RARB: variants seen among roughly 807,000 people sequenced by gnomAD.
RARB encodes HBV-activated protein.
A neutral mutation model predicts 51.9 loss-of-function variants in RARB; 17 were observed. The ratio of observed to expected loss-of-function variants is 0.33; its 90% CI spans 0.22 to 0.49. The LOEUF (loss-of-function observed/expected upper bound fraction) is 0.49, where lower values mean the gene tolerates loss of function less well. RARB is among the 20% of genes least tolerant of loss of function. The pLI is 0.99. For missense variants in RARB, 369 were observed against 550.8 expected (o/e 0.67, Z 3.30); for synonymous variants, 215 against 195.4 (o/e 1.10, Z -0.84).
intron 5 of RARB, among the ~76,000 whole-genome samples, chr3:25,307,387 A>T (rs1018243167): frequency 1.3e-4 from 16 of 125,776 alleles, no homozygotes; most frequent in African/African-American, 4.9e-4. Flanking sequence ...ACTCTGTCTC[A>T]AAAAAAAAAA....
intron 1 of RARB, among the ~76,000 whole-genome samples, chr3:25,459,473 A>G (rs894685655): frequency 1.3e-5 from 2 of 152,198 alleles, no homozygotes; most frequent in South Asian, 2.1e-4. Flanking sequence ...ATTGGTGACT[A>G]TTGGAGGGCT....
chr3:24,859,262 C>T (rs141761670), intron 2 of RARB, among the ~76,000 whole-genome samples: 72 of 152,088 alleles, frequency 4.7e-4, no homozygotes, highest in African/African-American at 1.4e-3. Context: ...CAAGGTGGTT[C>T]TGGGAGCTTG....
intron 5 of RARB, among the ~76,000 whole-genome samples, chr3:25,209,427 G>A (rs1468706388): frequency 6.6e-6 from 1 of 152,220 alleles, no homozygotes; most frequent in East Asian, 1.9e-4. Context: ...AAGTCCTGTA[G>A]TCATGTAGGC....
chr3:25,312,479 A>C (rs952037810), intron 5 of RARB, among the ~76,000 whole-genome samples: 1 of 152,146 alleles, frequency 6.6e-6, no homozygotes, highest in African/African-American at 2.4e-5. Flanking sequence ...TCCTCTGGTC[A>C]AGTATAGAGG....
chr3:25,258,243 A>T (rs865932326), intron 5 of RARB, among the ~76,000 whole-genome samples: 1 of 152,100 alleles, frequency 6.6e-6, no homozygotes. Flanking sequence ...GATGATTTCC[A>T]TATGGGGAGC....
chr3:25,332,267 A>G (rs748564207), intron 5 of RARB, among the ~76,000 whole-genome samples: 1 of 152,234 alleles, frequency 6.6e-6, no homozygotes, highest in African/African-American at 2.4e-5. Flanking sequence ...ATCGATGCAG[A>G]AATCCTCAAT....
At chr3:25,501,921 G>A (rs1468026660) in intron 3 of RARB, among the ~76,000 whole-genome samples, 1 of 152,212 alleles carries the variant, frequency 6.6e-6, no homozygotes, top group Non-Finnish European at 1.5e-5. Context: ...ATAAATATCT[G>A]ATGATGGGGA....
chr3:24,832,650 T>TATATATATATATATAA (rs1276684176), intron 1 of RARB, among the ~76,000 whole-genome samples: 1 of 138,976 alleles, frequency 7.2e-6, no homozygotes, highest in African/African-American at 2.7e-5. Flanking sequence ...TATATATATA[T>TATATATATATATATAA]AATGTCAATT....
chr3:25,092,116 C>T (rs553948232), intron 3 of RARB, among the ~76,000 whole-genome samples: 46 of 152,272 alleles, frequency 3.0e-4, no homozygotes, highest in African/African-American at 1.1e-3. Context: ...AGTGCTTTTA[C>T]AGCCAGGCTC....
chr3:25,027,581 T>C (rs1697775466), intron 2 of RARB, among the ~76,000 whole-genome samples: 1 of 150,720 alleles, frequency 6.6e-6, no homozygotes, highest in Admixed American at 6.6e-5. Context: ...CCCTCACATA[T>C]GACAGTCACT....
At chr3:25,158,926 G>C (rs1700424232) in intron 4 of RARB, among the ~76,000 whole-genome samples, 1 of 152,148 alleles carries the variant, frequency 6.6e-6, no homozygotes, top group East Asian at 1.9e-4. Context: ...GAAAAATTCT[G>C]TAGGCGATTT....
At chr3:25,004,775 G>T (rs1412833349) in intron 2 of RARB, among the ~76,000 whole-genome samples, 1 of 152,112 alleles carries the variant, frequency 6.6e-6, no homozygotes. Flanking sequence ...AACTGAAAAG[G>T]TTAAATAGCA....
intron 2 of RARB, among the ~76,000 whole-genome samples, chr3:24,986,028 G>A (rs190565651): frequency 6.5e-4 from 99 of 152,304 alleles, no homozygotes; most frequent in East Asian, 3.7e-3. Flanking sequence ...TCTCCCCAGC[G>A]TTGGAATATT....
chr3:25,229,916 G>A (rs1031006157), intron 5 of RARB, among the ~76,000 whole-genome samples: 7 of 152,080 alleles, frequency 4.6e-5, no homozygotes, highest in African/African-American at 1.7e-4. Context: ...TTAGGTACAC[G>A]CTGTAATGAA....
intron 5 of RARB, among the ~76,000 whole-genome samples, chr3:25,296,721 C>T (rs537681658): frequency 1.6e-3 from 248 of 152,290 alleles, no homozygotes; most frequent in Non-Finnish European, 2.4e-3. Flanking sequence ...ATTCAGTTCT[C>T]AGAATGGATC....
intron 2 of RARB, among the ~76,000 whole-genome samples, chr3:24,860,905 A>C (rs989643779): frequency 2.0e-5 from 3 of 152,094 alleles, no homozygotes; most frequent in Admixed American, 6.5e-5. Flanking sequence ...TAAACTTGCT[A>C]CTCAGGTTTG....
rs530948702 is a variant in RARB at position 25,037,060 on chromosome 3, C to A, written c.-379-23065C>A. ...AGTCAAGAACTCAAACTTGCATGAACTCTTCAACACCTTTCCAAATTCAAC... is the reference window on the plus strand; with the variant it reads ...AGTCAAGAACTCAAACTTGCATGAAATCTTCAACACCTTTCCAAATTCAAC... On this transcript the variant is annotated intron_variant, in intron 2 of 11. Coordinates refer to the RARB transcript ENST00000383772. 3.3e-5 allele frequency among the ~76,000 whole-genome samples: 5 copies of A among 152,266 alleles called. No individual in the cohort carries two copies. In the South Asian group the frequency reaches 1.0e-3, roughly 32 times the overall value.
At chr3:25,583,808 A>G (rs558540545) in intron 5 of RARB, among the ~76,000 whole-genome samples, 104 of 152,330 alleles carry the variant, frequency 6.8e-4, no homozygotes, top group African/African-American at 2.4e-3. Flanking sequence ...CACAGGAGCC[A>G]AGTAGCCAAA....
chr3:25,422,481 T>C (rs988820274), intron 5 of RARB, among the ~76,000 whole-genome samples: 1 of 152,208 alleles, frequency 6.6e-6, no homozygotes, highest in Non-Finnish European at 1.5e-5. Flanking sequence ...TCTCAAATGT[T>C]GCCATCATAT....
Sources: allele counts gnomAD v4.1 joint callset (sites outside exome capture counted in the v4.1 genomes callset), GRCh38; gene constraint gnomAD v4.1.1; transcripts MANE v1.5; gene names NCBI Gene and HGNC (gene_info 2026-07-23, HGNC 2026-07-21).